Variants in AASDH observed in about 807,000 individuals in gnomAD.
AASDH encodes the protein aminoadipate-semialdehyde dehydrogenase, also known as beta-alanine-activating enzyme.
In AASDH, 81 loss-of-function variants were observed where a neutral mutation model predicts 102.3. The observed-to-expected ratio is 0.79, with a 90% CI of 0.66 to 0.95. The LOEUF is 0.95. AASDH is among the 40% of genes least tolerant of loss of function. AASDH has a pLI of 0.00. For synonymous variants in AASDH, 398 were observed against 454.0 expected (o/e 0.88, Z 1.57); for missense variants, 1,203 against 1,266.2 (o/e 0.95, Z 0.76).
At chr4:56,371,669 G>C in intron 4 of AASDH, 26 bp from the exon 5 acceptor site, 1 of 1,575,300 alleles carries the variant, frequency 6.3e-7, no homozygotes. Context: ...ATGCAGTTAT[G>C]AGAAACGTCA....
chr4:56,373,915 T>C (rs1346765175), intron 4 of AASDH, among the ~76,000 whole-genome samples: 1 of 152,150 alleles, frequency 6.6e-6, no homozygotes, highest in Non-Finnish European at 1.5e-5. Context: ...AGACAGATTT[T>C]AAAGGAAGAA....
chr4:56,361,327 T>C (rs560451549), intron 5 of AASDH, among the ~76,000 whole-genome samples: 6 of 152,082 alleles, frequency 3.9e-5, no homozygotes, highest in Non-Finnish European at 8.8e-5. Context: ...GAGAATCACT[T>C]GAACCCAGGA....
At chr4:56,380,230 T>C (rs1192989107) in intron 3 of AASDH, among the ~76,000 whole-genome samples, 7 of 152,148 alleles carry the variant, frequency 4.6e-5, no homozygotes, top group African/African-American at 1.4e-4. Flanking sequence ...GCCCAGGTGA[T>C]TTGGTGGATG....
intron 4 of AASDH, among the ~76,000 whole-genome samples, chr4:56,374,367 CAGAAAA>C (rs1283673681): frequency 1.5e-4 from 17 of 110,258 alleles, no homozygotes; most frequent in African/African-American, 4.7e-4. Context: ...GACTCTGTCT[CAGAAAA>C]AAAAAAAAAA....
At position 56,371,705 on chromosome 4, in the gene AASDH, AAG is replaced by A; in HGVS notation, c.669-64_669-63del. On this transcript the variant is annotated intron_variant, in intron 4 of 14. Coordinates refer to ENST00000205214, the MANE Select transcript of AASDH (RefSeq NM_181806.4). ...AACATTCAGTAAGCACATATCCTAA[AAG>A]AGTGTTCATGTGTTTATGATGATCA... 5 of 1,432,086 alleles carry A rather than the reference AAG, an allele frequency of 3.5e-6. 1 individual carries two copies. In the Middle Eastern group the frequency reaches 9.1e-4, roughly 262 times the overall value. 88.7% of individuals were successfully genotyped at this position (1,432,086 alleles called of 1,614,324 possible). A position where few individuals can be genotyped will look rare whatever the true frequency, so the allele number is the denominator to read the frequency against.
chr4:56,382,680 AT>A, intron 2 of AASDH, 83 bp from the exon 3 acceptor site: 1 of 1,478,638 alleles, frequency 6.8e-7, no homozygotes, highest in Non-Finnish European at 9.1e-7. Flanking sequence ...TATGCACTTT[AT>A]TTATTTTTTG....
At chr4:56,380,757 CAG>C (rs1183451635) in intron 3 of AASDH, among the ~76,000 whole-genome samples, 1 of 152,142 alleles carries the variant, frequency 6.6e-6, no homozygotes, top group African/African-American at 2.4e-5. Context: ...TATTTTGGAC[CAG>C]AAAATTCTTA....
At chr4:56,381,676 C>CACACACACACACACACAG (rs1752977384) in intron 3 of AASDH, 2 of 151,906 alleles carry the variant, frequency 1.3e-5, no homozygotes, top group South Asian at 4.2e-4. Context: ...CACACACACA[C>CACACACACACACACACAG]AGTTGGGGGG....
intron 5 of AASDH, among the ~76,000 whole-genome samples, chr4:56,358,906 T>C (rs528100655): frequency 2.0e-5 from 3 of 152,352 alleles, no homozygotes; most frequent in South Asian, 2.1e-4. Flanking sequence ...AAGTGGGGTA[T>C]TACAATCTCC....
Position 56,351,035 on chromosome 4 carries a change from AAG to A in AASDH, c.1692+305_1692+306del, listed in dbSNP as rs1748935927. Among the ~76,000 whole-genome samples, 5 of 152,332 alleles carry A rather than the reference AAG, an allele frequency of 3.3e-5. No individual in the cohort carries two copies. The South Asian group carries it at 1.0e-3, about 32-fold the overall frequency. ...ATTTGGCTATTTTCTCAGCTCTGAC[AAG>A]AGTGTTACTACATTCCACCGATCCT... On this transcript the variant is annotated intron_variant, in intron 10 of 14. Coordinates refer to ENST00000205214, the MANE Select transcript of AASDH (RefSeq NM_181806.4).
intron 1 of AASDH, 33 bp from the exon 2 acceptor site, chr4:56,384,374 G>A: frequency 2.4e-6 from 3 of 1,275,966 alleles, no homozygotes; most frequent in Non-Finnish European, 3.4e-6. Context: ...GGGGGAGAGG[G>A]AGTTTTAGAG....
chr4:56,349,278 TTCCACACTTA>T lies in AASDH; in HGVS notation c.2463_2472del (p.Lys822ThrfsTer11). ...AAAAACTTACCCACCACAATAAAGT[TTCCACACTTA>T]GATACACATGCTGAGGATTCAATTC... On this transcript the variant is annotated frameshift_variant, in exon 11 of 15. Coordinates refer to ENST00000205214, the MANE Select transcript of AASDH (RefSeq NM_181806.4). LOFTEE classifies it high-confidence loss of function. 1 of 1,614,102 alleles carries T rather than the reference TTCCACACTTA, an allele frequency of 6.2e-7. No homozygotes were observed. The highest frequency in any genetic ancestry group is 2.2e-5 in the East Asian group (1 of 44,868).
At position 56,378,361 on chromosome 4, in the gene AASDH, T is replaced by C. The variant is rs1752593928; in HGVS notation, c.455A>G (p.Asn152Ser). The C allele has an allele frequency of 1.2e-6, 2 of 1,613,872 alleles. No homozygotes were observed. The highest frequency in any genetic ancestry group is 2.7e-5 in the African/African-American group (2 of 74,924). ...CTCTTTTCCATCATTTAGCATCAAG[T>C]TCACCTCAGTATTTTTCCAGTGAAG... ...FRLHWKNTEVNLMLNDGKEKY... is the reference protein window; with the variant it reads ...FRLHWKNTEVSLMLNDGKEKY... The change falls in exon 4 of 15, where the codon AAC (asparagine) becomes AGC (serine). Residue 152 changes from asparagine to serine, a missense_variant. By Grantham distance (46) the Asn-to-Ser change is conservative (BLOSUM62 1). Coordinates refer to ENST00000205214, the MANE Select transcript of AASDH (RefSeq NM_181806.4).
intron 11 of AASDH, among the ~76,000 whole-genome samples, chr4:56,348,503 C>T (rs775211516): frequency 3.3e-5 from 5 of 152,116 alleles, no homozygotes; most frequent in Non-Finnish European, 7.4e-5. Flanking sequence ...GATCTGTCCA[C>T]CTTGGCCTCT....
intron 7 of AASDH, 95 bp downstream of exon 7, chr4:56,354,610 G>T: frequency 2.3e-6 from 2 of 882,192 alleles, no homozygotes; most frequent in Non-Finnish European, 3.5e-6. Context: ...TGAAAAGCAT[G>T]AGATAGACAA....
At position 56,338,695 on chromosome 4, in the gene AASDH, A is replaced by AGAT. The variant is rs1238581829; in HGVS notation, c.3001_3003dup (p.Ile1001dup). The AGAT allele has an allele frequency of 3.7e-6, 6 of 1,614,108 alleles. No homozygotes were observed. The highest frequency in any genetic ancestry group is 1.3e-5 in the African/African-American group (1 of 74,938). On this transcript the variant is annotated inframe_insertion, in exon 15 of 15. Coordinates refer to ENST00000205214, the MANE Select transcript of AASDH (RefSeq NM_181806.4). ...AGGTGACCTTTCATGTTACAACAGT[A>AGAT]GATAAAGCAATCATGGGAACCAAAA...
chr4:56,379,896 G>A (rs1327970089), intron 3 of AASDH, among the ~76,000 whole-genome samples: 1 of 152,164 alleles, frequency 6.6e-6, no homozygotes, highest in Non-Finnish European at 1.5e-5. Flanking sequence ...GAGGTGCGTT[G>A]TTGATAGGAG....
At chr4:56,385,709 C>T (rs1272096397) in intron 1 of AASDH, among the ~76,000 whole-genome samples, 6 of 152,100 alleles carry the variant, frequency 3.9e-5, no homozygotes, top group Admixed American at 1.3e-4. Context: ...GCGATTCTCC[C>T]ACCTCAAGCT....
At chr4:56,373,854 C>T (rs1386331789) in intron 4 of AASDH, among the ~76,000 whole-genome samples, 3 of 150,978 alleles carry the variant, frequency 2.0e-5, no homozygotes, top group Non-Finnish European at 4.4e-5. Context: ...GTTCATTTCA[C>T]GAAAGCAGCT....
Sources: allele counts gnomAD v4.1 joint callset (sites outside exome capture counted in the v4.1 genomes callset), GRCh38; gene constraint gnomAD v4.1.1; transcripts MANE v1.5; gene names NCBI Gene and HGNC (gene_info 2026-07-23, HGNC 2026-07-21).